Variants in TRIOBP observed in about 807,000 individuals in gnomAD.
The protein encoded by TRIOBP is TRIO and F-actin-binding protein.
In TRIOBP, 169 loss-of-function variants were observed where a neutral mutation model predicts 238.8. The observed-to-expected ratio is 0.71, with a 90% CI of 0.62 to 0.80. The LOEUF (loss-of-function observed/expected upper bound fraction) is 0.80. Among genes scored for constraint, TRIOBP ranks in the 30% least tolerant of loss-of-function variants. The pLI, the probability that TRIOBP is intolerant of heterozygous loss-of-function variation, is 0.00. For synonymous variants in TRIOBP, 1,150 were observed against 1,274.4 expected, an observed-to-expected ratio of 0.90 and a Z score of 2.08; for missense variants, 2,838 against 3,122.6, an observed-to-expected ratio of 0.91 and a Z score of 2.17.
chr22:37,710,276 G>T, intron 3 of TRIOBP, 151 bp from the exon 4 acceptor site: 1 of 1,204,608 alleles, frequency 8.3e-7, no homozygotes, highest in South Asian at 1.4e-5. Flanking sequence ...GTCCCAAGGG[G>T]TGCTTCTAGC....
chr22:37,764,717 A>T (rs1191517317), intron 17 of TRIOBP, among the ~76,000 whole-genome samples: 1 of 152,196 alleles, frequency 6.6e-6, no homozygotes. Flanking sequence ...GGGTATTATT[A>T]GTCTGAGATA....
intron 17 of TRIOBP, 41 bp downstream of exon 17, chr22:37,759,305 T>A: frequency 6.3e-7 from 1 of 1,588,810 alleles, no homozygotes; most frequent in Non-Finnish European, 8.6e-7. Context: ...GGGGGCAGAT[T>A]TCTGCTTGCC....
chr22:37,698,354 CTTT>C (rs1175913171), intron 2 of TRIOBP, among the ~76,000 whole-genome samples: 2 of 57,938 alleles, frequency 3.5e-5, no homozygotes, highest in East Asian at 6.6e-4. Flanking sequence ...CTGCAAGAGC[CTTT>C]TTTTTTTTTT....
rs756017020 is a variant in TRIOBP at position 37,757,792 on chromosome 22, C to T, written c.5867C>T (p.Pro1956Leu). 7.8e-5 allele frequency: 121 copies of T among 1,547,834 alleles called. No homozygotes were observed. In the Admixed American group the frequency reaches 1.7e-3, roughly 22 times the overall value. Residue 1956 changes from proline to leucine, a missense_variant, in exon 16 of 24, where the codon CCG (proline) becomes CTG (leucine). Pro to Leu is a moderately conservative substitution (Grantham distance 98, BLOSUM62 -3). Transcript: ENST00000644935. The stretch of plus-strand genomic sequence containing the variant: ...CTCTCGCCGCTGACCCAGGCTTCCC[C>T]GCAGCGGGCCCGCACCCCAGCCCGC... Reference protein sequence around the residue: ...VELSPLTQASPQRARTPARTP... With the variant: ...VELSPLTQASLQRARTPARTP...
At chr22:37,759,686 A>G (rs1926141864) in intron 17 of TRIOBP, 1 of 1,516,442 alleles carries the variant, frequency 6.6e-7, no homozygotes, top group Non-Finnish European at 8.8e-7. Flanking sequence ...GGCCCCACAC[A>G]AGGAGGTCTG....
In TRIOBP at chr22:37,701,280, C is replaced by G; in HGVS notation, c.-60-26C>G. ...GTGAGTGGCCAGCCAGTCATCTGGT[C>G]TTTGCCTCCCCCTCATTTTTGCCAG... On this transcript the variant is annotated intron_variant, in intron 2 of 23. Coordinates refer to ENST00000644935, the MANE Select transcript of TRIOBP (RefSeq NM_001039141.3). 4.6e-6 allele frequency: 5 copies of G among 1,084,658 alleles called. No individual in the cohort carries two copies. In the South Asian group the frequency reaches 5.3e-5, roughly 12 times the overall value. 67.2% of individuals were successfully genotyped at this position (1,084,658 alleles called of 1,614,324 possible). A position where few individuals can be genotyped will look rare whatever the true frequency, so the allele number is the denominator to read the frequency against.
At chr22:37,737,804 C>G (rs536350646) in intron 9 of TRIOBP, among the ~76,000 whole-genome samples, 1 of 152,316 alleles carries the variant, frequency 6.6e-6, no homozygotes, top group East Asian at 1.9e-4. Context: ...CTTCCCTGTT[C>G]AGCCACCAAA....
At chr22:37,759,315 C>T (rs558674917) in intron 17 of TRIOBP, 51 bp downstream of exon 17, 42 of 1,556,718 alleles carry the variant, frequency 2.7e-5, no homozygotes, top group Middle Eastern at 1.7e-4. Flanking sequence ...TTCTGCTTGC[C>T]GTGTTATCAG....
At chr22:37,730,491 A>C (rs1352772129) in intron 7 of TRIOBP, among the ~76,000 whole-genome samples, 1 of 152,250 alleles carries the variant, frequency 6.6e-6, no homozygotes, top group East Asian at 1.9e-4. Context: ...GGGTGTTTCC[A>C]CTATTGTCCT....
At chr22:37,737,942 A>G (rs559233566) in intron 9 of TRIOBP, among the ~76,000 whole-genome samples, 1 of 152,256 alleles carries the variant, frequency 6.6e-6, no homozygotes, top group South Asian at 2.1e-4. Context: ...TGCAACATCC[A>G]TCTAATAGGG....
chr22:37,746,043 A>T (rs1276276952), intron 11 of TRIOBP, among the ~76,000 whole-genome samples: 1 of 14,448 alleles, frequency 6.9e-5, no homozygotes, highest in East Asian at 3.3e-3. Flanking sequence ...CCATCCGCCC[A>T]CCCCGCCGTC....
chr22:37,747,919 G>A (rs1048931156), intron 11 of TRIOBP, among the ~76,000 whole-genome samples: 1 of 152,182 alleles, frequency 6.6e-6, no homozygotes, highest in Non-Finnish European at 1.5e-5. Context: ...GCAAGGGTAA[G>A]GCTGCCGGAA....
chr22:37,763,801 T>C (rs1360567235), intron 17 of TRIOBP, among the ~76,000 whole-genome samples: 1 of 152,180 alleles, frequency 6.6e-6, no homozygotes, highest in Non-Finnish European at 1.5e-5. Context: ...ATAATGCACA[T>C]GTATTACCTC....
Position 37,735,247 on chromosome 22 carries a change from C to T in TRIOBP, c.4911C>T (p.Thr1637=), listed in dbSNP as rs539710461. ...AGCCAGAAGGCTGGGCCGAGGCCAC[C>T]CCAGTCAATGGACACAGCCCCGCAC... ...HSQPEGWAEA[T]PVNGHSPALQ... The change falls in exon 9 of 24, where the codon ACC becomes ACT. Residue 1637 remains threonine (T), a synonymous_variant. Coordinates refer to ENST00000644935, the MANE Select transcript of TRIOBP (RefSeq NM_001039141.3). 3 of 1,603,962 alleles carry T rather than the reference C, an allele frequency of 1.9e-6. No homozygotes were observed. The Admixed American group carries it at 5.0e-5, about 27-fold the overall frequency.
chr22:37,701,442 G>T lies in TRIOBP; in HGVS notation c.77G>T (p.Cys26Phe). Residue 26 changes from cysteine to phenylalanine, a missense_variant, in exon 3 of 24, where the codon TGC becomes TTC. Coordinates refer to ENST00000644935, the MANE Select transcript of TRIOBP (RefSeq NM_001039141.3). ...NILTQNRCQN[C>F]FHPEEAHGAR... ...CTTACCCAGAACCGCTGTCAAAACT[G>T]CTTCCACCCTGAGGAGGCCCATGGA... 6.2e-7 allele frequency: 1 copy of T among 1,613,680 alleles called. No homozygotes were observed. The highest frequency in any genetic ancestry group is 2.2e-5 in the East Asian group (1 of 44,866).
intron 19 of TRIOBP, 55 bp from the exon 20 acceptor site, chr22:37,768,973 A>C: frequency 6.2e-7 from 1 of 1,611,576 alleles, no homozygotes; most frequent in Non-Finnish European, 8.5e-7. Flanking sequence ...ACTGGACTCC[A>C]GGCTTGGCAG....
chr22:37,724,480 A>T lies in TRIOBP; in HGVS notation c.1924A>T (p.Thr642Ser). 1 of 1,611,358 alleles carries T rather than the reference A, an allele frequency of 6.2e-7. No homozygotes were observed. Among genetic ancestry groups the T allele is most frequent in the South Asian group, 1.1e-5 (1 of 90,838 alleles). The change falls in exon 7 of 24, where the codon ACC becomes TCC. Residue 642 changes from threonine to serine, a missense_variant. By Grantham distance (58) the Thr-to-Ser change is moderately conservative. This residue lies in a region of TRIOBP where 167 missense variants were observed against 200.2 expected (regional missense o/e 0.83). Transcript: ENST00000644935. Reference protein sequence around the residue: ...DNPRASSPNRTTQQDSPRTSC... With the variant: ...DNPRASSPNRSTQQDSPRTSC... ...TCCCAGAGCCTCCTCTCCCAACAGAACCACCCAACAAGACAGCCCCAGAAC... is the reference window on the plus strand; with the variant it reads ...TCCCAGAGCCTCCTCTCCCAACAGATCCACCCAACAAGACAGCCCCAGAAC...
rs528227449 is a variant in TRIOBP, at chr22:37,730,632, G to A, written c.3948-2666G>A. Among the ~76,000 whole-genome samples the A allele has an allele frequency of 5.7e-4, 87 of 152,128 alleles. 1 individual carries two copies. In the South Asian group the frequency reaches 0.017, roughly 29 times the overall value. On this transcript the variant is annotated intron_variant, in intron 7 of 23. Transcript: ENST00000644935. Reference sequence around the variant, plus strand: ...TTCAGCTCTCACAGAGTAAGGAAACGCACTCACCTCCAATTAGATTACAAA... The same window carrying A: ...TTCAGCTCTCACAGAGTAAGGAAACACACTCACCTCCAATTAGATTACAAA...
At chr22:37,700,266 A>ATT (rs35388184) in intron 2 of TRIOBP, among the ~76,000 whole-genome samples, 2,248 of 134,496 alleles carry the variant, frequency 0.017, 41 homozygotes, top group African/African-American at 0.04. Flanking sequence ...GGGAATCTAG[A>ATT]TTTTTTTTTT....
Sources: gnomAD v4.1 joint callset for allele counts (sites outside exome capture counted in the v4.1 genomes callset) on GRCh38, gnomAD v4.1.1 for gene constraint, gnomAD v4.1.1 regional missense constraint, MANE v1.5 for transcripts, NCBI Gene and HGNC (gene_info 2026-07-23, HGNC 2026-07-21) for gene names.